The following TRABD2B variants were observed in gnomAD, a reference collection of about 807,000 sequenced individuals.
The protein encoded by TRABD2B is metalloprotease TIKI2.
A neutral mutation model predicts 40.1 loss-of-function variants in TRABD2B; 14 were observed. The observed-to-expected ratio is 0.35, with a 90% CI of 0.23 to 0.55. TRABD2B has a LOEUF of 0.55. Among genes scored for constraint, TRABD2B ranks in the 20% least tolerant of loss-of-function variants. The pLI is 0.90. For synonymous variants in TRABD2B, 263 were observed against 277.0 expected (o/e 0.95, Z 0.50); for missense variants, 541 against 648.6 (o/e 0.83, Z 1.80).
intron 4 of TRABD2B, among the ~76,000 whole-genome samples, chr1:47,793,720 G>C (rs1448700256): frequency 6.6e-6 from 1 of 152,226 alleles, no homozygotes; most frequent in Non-Finnish European, 1.5e-5. Context: ...TTAGTAACAA[G>C]AGGCAAACAC....
intron 2 of TRABD2B, among the ~76,000 whole-genome samples, chr1:47,841,267 G>A (rs1032011448): frequency 3.3e-5 from 5 of 152,152 alleles, no homozygotes; most frequent in Non-Finnish European, 7.3e-5. Context: ...ACTGGGTAAG[G>A]CACACAATTT....
chr1:47,835,783 T>C (rs567239395), intron 2 of TRABD2B, among the ~76,000 whole-genome samples: 2 of 152,320 alleles, frequency 1.3e-5, no homozygotes, highest in South Asian at 2.1e-4. Flanking sequence ...TCATTTAGGC[T>C]GAAATGAAAG....
At chr1:47,978,983 T>C (rs1247169159) in intron 2 of TRABD2B, among the ~76,000 whole-genome samples, 1 of 152,008 alleles carries the variant, frequency 6.6e-6, no homozygotes, top group African/African-American at 2.4e-5. Context: ...GGTGGTCCAG[T>C]CAAAGCCCTT....
At chr1:47,980,907 C>T (rs1487008838) in intron 2 of TRABD2B, among the ~76,000 whole-genome samples, 1 of 152,230 alleles carries the variant, frequency 6.6e-6, no homozygotes, top group Admixed American at 6.5e-5. Flanking sequence ...CCTGTCACCT[C>T]CTGGCCTCTT....
At chr1:47,858,510 C>T (rs533811687) in intron 2 of TRABD2B, among the ~76,000 whole-genome samples, 67 of 152,278 alleles carry the variant, frequency 4.4e-4, no homozygotes, top group Middle Eastern at 3.4e-3. Context: ...CCTCACCCCT[C>T]GGCCTCCCGA....
At chr1:47,786,520 T>C (rs1324777631) in intron 4 of TRABD2B, among the ~76,000 whole-genome samples, 2 of 152,202 alleles carry the variant, frequency 1.3e-5, no homozygotes, top group Non-Finnish European at 2.9e-5. Flanking sequence ...TGGCCAAGGA[T>C]TGCAGCCCTT....
chr1:47,911,978 T>G (rs1240871732), intron 2 of TRABD2B, among the ~76,000 whole-genome samples: 4 of 152,218 alleles, frequency 2.6e-5, no homozygotes, highest in Non-Finnish European at 5.9e-5. Flanking sequence ...TCAGTGTGGA[T>G]CACGCAACGC....
At chr1:47,818,431 T>A (rs1018380297) in intron 2 of TRABD2B, 2 of 152,250 alleles carry the variant, frequency 1.3e-5, no homozygotes, top group Admixed American at 1.3e-4. Context: ...TGATATCTAA[T>A]AGTTTGTCCA....
chr1:47,798,189 C>T (rs956189770), intron 3 of TRABD2B, among the ~76,000 whole-genome samples: 2 of 152,114 alleles, frequency 1.3e-5, no homozygotes, highest in African/African-American at 2.4e-5. Flanking sequence ...GAGAGGACAA[C>T]GAGGAATGTG....
intron 2 of TRABD2B, among the ~76,000 whole-genome samples, chr1:47,907,084 T>G (rs1544179): frequency 0.061 from 9,305 of 152,024 alleles, 528 homozygotes; most frequent in African/African-American, 0.14. Flanking sequence ...AAGTGGGGAG[T>G]CTGGCTCCAA....
At chr1:47,941,918 T>A (rs1371617381) in intron 2 of TRABD2B, among the ~76,000 whole-genome samples, 2 of 152,274 alleles carry the variant, frequency 1.3e-5, no homozygotes, top group Non-Finnish European at 2.9e-5. Flanking sequence ...CTTGTGAAGT[T>A]CTTGGAACAA....
chr1:47,886,073 G>A (rs1268795010), intron 2 of TRABD2B, among the ~76,000 whole-genome samples: 1 of 152,194 alleles, frequency 6.6e-6, no homozygotes, highest in African/African-American at 2.4e-5. Flanking sequence ...AGTTCACTGA[G>A]ATGGATACTA....
At chr1:47,868,336 A>G (rs61773468) in intron 2 of TRABD2B, among the ~76,000 whole-genome samples, 19,972 of 152,256 alleles carry the variant, frequency 0.13, 1,823 homozygotes, top group Non-Finnish European at 0.2. Context: ...GACAGAAGGA[A>G]GACAGCAAAG....
rs531227473 is a variant in TRABD2B at position 47,977,325 on chromosome 1, G to T, written c.666+16709C>A. 1.7e-3 allele frequency among the ~76,000 whole-genome samples: 258 copies of T among 152,222 alleles called. 4 individuals are homozygous for T. The highest frequency in any genetic ancestry group is 1.6e-4 in the Non-Finnish European group (11 of 68,010). On this transcript the variant is annotated intron_variant, in intron 2 of 6. Coordinates refer to ENST00000606738, the MANE Select transcript of TRABD2B (RefSeq NM_001194986.2). ...CTAGCCTCAAGTGATCCCCACTTTG[G>T]CTTCCCAAGGTTCTGGAATAACAGG...
chr1:47,912,676 G>A (rs554122434), intron 2 of TRABD2B, among the ~76,000 whole-genome samples: 3 of 152,296 alleles, frequency 2.0e-5, no homozygotes, highest in Admixed American at 2.0e-4. Flanking sequence ...GCTTAGAGAG[G>A]GCAGCCCAGT....
intron 2 of TRABD2B, among the ~76,000 whole-genome samples, chr1:47,825,782 T>C (rs1419591408): frequency 5.3e-5 from 8 of 151,946 alleles, no homozygotes; most frequent in East Asian, 1.9e-4. Context: ...TCCCAGCATG[T>C]AGTTCTACTC....
At chr1:47,796,140 C>A (rs916699606) in intron 3 of TRABD2B, among the ~76,000 whole-genome samples, 1 of 152,220 alleles carries the variant, frequency 6.6e-6, no homozygotes, top group Non-Finnish European at 1.5e-5. Flanking sequence ...ACCTGGATAA[C>A]AGGCCCAGGT....
chr1:47,992,115 G>T (rs1274256846), intron 2 of TRABD2B, among the ~76,000 whole-genome samples: 3 of 152,168 alleles, frequency 2.0e-5, no homozygotes, highest in Admixed American at 1.3e-4. Context: ...TTTGGGACTT[G>T]CTTTCTGCAG....
chr1:47,960,310 G>A (rs1473750196), intron 2 of TRABD2B, among the ~76,000 whole-genome samples: 14 of 152,176 alleles, frequency 9.2e-5, no homozygotes, highest in East Asian at 3.9e-4. Context: ...GGCACAAGAC[G>A]GGGATGCCCT....
Sources: allele counts gnomAD v4.1 joint callset (sites outside exome capture counted in the v4.1 genomes callset), GRCh38; gene constraint gnomAD v4.1.1; transcripts MANE v1.5; gene names NCBI Gene and HGNC (gene_info 2026-07-23, HGNC 2026-07-21).